The following RBMS3 variants were observed in gnomAD, a reference collection of about 807,000 sequenced individuals.
RBMS3 encodes RNA binding motif single stranded interacting protein 3, also known as RNA-binding motif, single-stranded-interacting protein 3.
Under a neutral mutation model 66.8 loss-of-function variants are expected in RBMS3, and 27 were observed. That is an observed-to-expected ratio of 0.40 (90% CI 0.30 to 0.56). The LOEUF (loss-of-function observed/expected upper bound fraction) is 0.56. Ranked by LOEUF, RBMS3 falls within the 20% of genes least tolerant of loss-of-function variation. The probability of loss-of-function intolerance (pLI) is 0.40; values close to 1 mark genes in which losing one functional copy is unlikely to be tolerated. For missense variants in RBMS3, 513 were observed against 549.5 expected (o/e 0.93, Z 0.66); for synonymous variants, 188 against 183.0 (o/e 1.03, Z -0.22).
At position 29,668,038 on chromosome 3, in the gene RBMS3, G is replaced by T. The variant is rs141669232; in HGVS notation, c.400-71682G>T. On this transcript the variant is annotated intron_variant, in intron 4 of 14. Transcript: ENST00000383767. ...TAATCACTGTTTCAATTTCTTTCAT[G>T]TCATTCTCATTGTAAACTATATTAG... 2.7e-3 allele frequency among the ~76,000 whole-genome samples: 412 copies of T among 152,112 alleles called. 2 individuals are homozygous for T. The highest frequency in any genetic ancestry group is 9.4e-3 in the African/African-American group (389 of 41,494).
In RBMS3 at chr3:29,607,617, G is replaced by A. The variant is rs943012345; in HGVS notation, c.399+20412G>A. Among the ~76,000 whole-genome samples, 31 of 151,802 alleles carry A rather than the reference G, an allele frequency of 2.0e-4. 1 individual carries two copies. The highest frequency in any genetic ancestry group is 7.3e-4 in the African/African-American group (30 of 41,374). On this transcript the variant is annotated intron_variant, in intron 4 of 14. Coordinates refer to ENST00000383767, the MANE Select transcript of RBMS3 (RefSeq NM_001003793.3). ...CATAGCAGCTGTACAATTGGCAAAA[G>A]GATTGCCTGTTTTTAAATCTCTGAA... is the stretch of plus-strand genomic sequence containing the variant.
chr3:29,892,833 A>C (rs1293387021), intron 8 of RBMS3, among the ~76,000 whole-genome samples: 1 of 141,306 alleles, frequency 7.1e-6, no homozygotes, highest in Non-Finnish European at 1.5e-5. Flanking sequence ...GTATGTATGT[A>C]TGTATGTATG....
intron 1 of RBMS3, among the ~76,000 whole-genome samples, chr3:29,364,667 C>T (rs911431181): frequency 9.9e-5 from 15 of 152,124 alleles, no homozygotes; most frequent in Admixed American, 3.3e-4. Context: ...GAGAGTCCTT[C>T]GGAGTAGCCC....
chr3:29,369,477 A>C (rs1473437259), intron 1 of RBMS3, among the ~76,000 whole-genome samples: 1 of 128,390 alleles, frequency 7.8e-6, no homozygotes. Flanking sequence ...TTCTCAGATC[A>C]TCACTCCTTA....
chr3:29,614,594 A>G (rs1366266370), intron 4 of RBMS3: 2 of 152,188 alleles, frequency 1.3e-5, no homozygotes, highest in African/African-American at 4.8e-5. Flanking sequence ...GATACAATAA[A>G]TCAATGGGAG....
At chr3:29,954,960 C>A (rs1695930831) in intron 12 of RBMS3, among the ~76,000 whole-genome samples, 1 of 151,994 alleles carries the variant, frequency 6.6e-6, no homozygotes, top group Non-Finnish European at 1.5e-5. Flanking sequence ...CTGATCACTG[C>A]CAGAAAGTAG....
At chr3:29,384,441 G>T (rs61210792) in intron 1 of RBMS3, among the ~76,000 whole-genome samples, 15,785 of 106,286 alleles carry the variant, frequency 0.15, 874 homozygotes, top group East Asian at 0.17. Context: ...ATAATAAGAA[G>T]AAGAAGAAGA....
At chr3:29,365,108 T>C (rs2037824194) in intron 1 of RBMS3, among the ~76,000 whole-genome samples, 1 of 152,158 alleles carries the variant, frequency 6.6e-6, no homozygotes, top group South Asian at 2.1e-4. Context: ...CTAATGTTAA[T>C]ATCAAGATTA....
intron 7 of RBMS3, among the ~76,000 whole-genome samples, chr3:29,881,304 T>C (rs922415586): frequency 6.6e-6 from 1 of 152,084 alleles, no homozygotes; most frequent in African/African-American, 2.4e-5. Flanking sequence ...TCCATACCAC[T>C]CATATGGCAC....
chr3:29,953,366 A>T (rs1471435676), intron 12 of RBMS3, among the ~76,000 whole-genome samples: 1 of 151,956 alleles, frequency 6.6e-6, no homozygotes, highest in Non-Finnish European at 1.5e-5. Context: ...TTTGTCCACC[A>T]CAGTCCTTGA....
chr3:29,585,008 A>G (rs2047462306), intron 3 of RBMS3, among the ~76,000 whole-genome samples: 1 of 152,136 alleles, frequency 6.6e-6, no homozygotes, highest in Non-Finnish European at 1.5e-5. Flanking sequence ...AAGATCTGCA[A>G]TTTTGTAATT....
At chr3:29,622,184 T>G (rs1432644477) in intron 4 of RBMS3, among the ~76,000 whole-genome samples, 1 of 152,258 alleles carries the variant, frequency 6.6e-6, no homozygotes, top group African/African-American at 2.4e-5. Flanking sequence ...GTATTGATTA[T>G]AGAGTAAACA....
intron 6 of RBMS3, among the ~76,000 whole-genome samples, chr3:29,801,418 CCACCACACCT>C (rs2149443663): frequency 6.6e-6 from 1 of 152,054 alleles, no homozygotes; most frequent in Admixed American, 6.5e-5. Context: ...CAGGCACCCA[CCACCACACCT>C]AACTAATTTT....
intron 8 of RBMS3, among the ~76,000 whole-genome samples, chr3:29,890,863 TTTTA>T (rs2059985171): frequency 1.3e-5 from 2 of 151,540 alleles, no homozygotes; most frequent in South Asian, 2.1e-4. Context: ...CCGTTTACGT[TTTTA>T]TTTATTTTTT....
intron 6 of RBMS3, among the ~76,000 whole-genome samples, chr3:29,867,610 G>A (rs1474161666): frequency 6.7e-6 from 1 of 149,158 alleles, no homozygotes; most frequent in Non-Finnish European, 1.5e-5. Context: ...CCATGCAGAG[G>A]AGCAAAAGAA....
intron 6 of RBMS3, among the ~76,000 whole-genome samples, chr3:29,811,517 A>G (rs1016637095): frequency 2.6e-5 from 4 of 152,124 alleles, no homozygotes; most frequent in African/African-American, 9.7e-5. Flanking sequence ...GCCACAAAAA[A>G]CCCTTGCTCT....
chr3:29,532,246 G>GTGTATA (rs1491266863), intron 3 of RBMS3, among the ~76,000 whole-genome samples: 5 of 88,994 alleles, frequency 5.6e-5, no homozygotes, highest in South Asian at 3.4e-4. Context: ...GCATATATAT[G>GTGTATA]TATATATATA....
intron 7 of RBMS3, among the ~76,000 whole-genome samples, chr3:29,879,024 G>A (rs1304982064): frequency 6.6e-6 from 1 of 152,102 alleles, no homozygotes; most frequent in East Asian, 1.9e-4. Flanking sequence ...GGGCAACAGA[G>A]TGAGAACCTG....
intron 1 of RBMS3, among the ~76,000 whole-genome samples, chr3:29,283,268 A>G (rs926852069): frequency 2.6e-5 from 4 of 152,320 alleles, no homozygotes; most frequent in African/African-American, 9.6e-5. Context: ...AAGTGTTTCA[A>G]AAATTACACT....
Sources: gnomAD v4.1 joint callset for allele counts (sites outside exome capture counted in the v4.1 genomes callset) on GRCh38, gnomAD v4.1.1 for gene constraint, MANE v1.5 for transcripts, NCBI Gene and HGNC (gene_info 2026-07-23, HGNC 2026-07-21) for gene names.